Variants in PCDHA10 observed in about 807,000 individuals in gnomAD.
PCDHA10 encodes protocadherin alpha 10.
PCDHA10 carries 45 observed loss-of-function variants against 61.2 expected under a neutral mutation model. The observed-to-expected ratio is 0.74, with a 90% CI of 0.58 to 0.94. The LOEUF (loss-of-function observed/expected upper bound fraction) is 0.94. PCDHA10 is among the 40% of genes least tolerant of loss of function. The pLI is 0.00. For synonymous variants in PCDHA10, 602 were observed against 548.8 expected (o/e 1.10, Z -1.35); for missense variants, 1,278 against 1,236.2 (o/e 1.03, Z -0.51).
chr5:141,010,074 G>T lies in PCDHA10; in HGVS notation c.*137G>T, dbSNP rs1444826216. The stretch of plus-strand genomic sequence containing the variant: ...CTCAGAAATCTGCAGAAAGTTCCCT[G>T]TGTCTGTCTAGAACGCATTTAACAG... On this transcript the variant is annotated 3_prime_UTR_variant, in exon 4 of 4. Coordinates refer to ENST00000307360, the MANE Select transcript of PCDHA10 (RefSeq NM_018901.4). 6.8e-6 allele frequency: 11 copies of T among 1,607,726 alleles called. No individual in the cohort carries two copies. Among genetic ancestry groups the T allele is most frequent in the Non-Finnish European group, 9.3e-6 (11 of 1,176,762 alleles).
intron 2 of PCDHA10, chr5:140,982,229 A>C (rs2096972091): frequency 3.2e-6 from 2 of 616,470 alleles, no homozygotes. Context: ...TTAATAAAAA[A>C]CAGAATTGCC....
intron 3 of PCDHA10, among the ~76,000 whole-genome samples, chr5:140,984,162 C>A (rs2097089666): frequency 6.6e-6 from 1 of 152,150 alleles, no homozygotes; most frequent in Non-Finnish European, 1.5e-5. Context: ...GAGAACTTCC[C>A]AAAGAAGCCA....
intron 1 of PCDHA10, chr5:140,867,891 G>C (rs1468636250): frequency 1.3e-5 from 2 of 152,016 alleles, no homozygotes; most frequent in African/African-American, 4.8e-5. Flanking sequence ...CACAATATCA[G>C]GTACTTACAG....
intron 1 of PCDHA10, chr5:140,859,639 T>G (rs1419564799): frequency 6.3e-6 from 1 of 159,542 alleles, no homozygotes; most frequent in Non-Finnish European, 1.4e-5. Flanking sequence ...GAGATTGAAT[T>G]TGTTACTCAG....
chr5:141,005,701 CAAAAAAAAAAAAAAAA>C (rs59860837), intron 3 of PCDHA10, among the ~76,000 whole-genome samples: 5 of 7,786 alleles, frequency 6.4e-4, no homozygotes, highest in African/African-American at 1.9e-3. Context: ...AACTCCGTCT[CAAAAAAAAAAAAAAAA>C]AAAAAAAAAA....
chr5:140,943,571 G>A (rs1164273913), intron 1 of PCDHA10, among the ~76,000 whole-genome samples: 4 of 152,152 alleles, frequency 2.6e-5, no homozygotes, highest in Admixed American at 2.6e-4. Context: ...ATTTTAATTT[G>A]TTGATCTGAG....
At chr5:140,861,430 A>C in intron 1 of PCDHA10, 1 of 488,226 alleles carries the variant, frequency 2.0e-6, no homozygotes, top group Admixed American at 2.1e-5. Context: ...TTTCAGTTGG[A>C]TTCCAAAAGC....
chr5:140,869,972 A>T (rs782424515), intron 1 of PCDHA10: 14 of 1,613,080 alleles, frequency 8.7e-6, no homozygotes. Context: ...AATGGAAGAC[A>T]CTTATTTACA....
chr5:140,858,914 A>C, intron 1 of PCDHA10: 1 of 181,616 alleles, frequency 5.5e-6, no homozygotes, highest in Non-Finnish European at 1.1e-5. Flanking sequence ...CACAGCTTAT[A>C]CTGCCATAGT....
intron 1 of PCDHA10, among the ~76,000 whole-genome samples, chr5:140,939,605 G>GAACAAGGA (rs1468383916): frequency 1.3e-5 from 2 of 152,082 alleles, no homozygotes; most frequent in African/African-American, 4.8e-5. Flanking sequence ...CTCAAAAACA[G>GAACAAGGA]AACAAGGAGA....
At chr5:140,890,066 C>G (rs1217511895) in intron 1 of PCDHA10, among the ~76,000 whole-genome samples, 1 of 152,148 alleles carries the variant, frequency 6.6e-6, no homozygotes, top group Non-Finnish European at 1.5e-5. Context: ...CTTTTACTGG[C>G]TTATGAGAAC....
chr5:140,877,076 T>C, intron 1 of PCDHA10: 1 of 1,613,022 alleles, frequency 6.2e-7, no homozygotes, highest in Non-Finnish European at 8.5e-7. Flanking sequence ...CAGTTCCAGG[T>C]GAGCGCGCGC....
chr5:140,981,744 G>C (rs1586900543), intron 2 of PCDHA10, among the ~76,000 whole-genome samples: 1 of 151,900 alleles, frequency 6.6e-6, no homozygotes, highest in Admixed American at 6.6e-5. Context: ...ATTAATATGA[G>C]TTAGTATTAG....
intron 1 of PCDHA10, among the ~76,000 whole-genome samples, chr5:140,909,596 T>C (rs2074597089): frequency 6.6e-6 from 1 of 152,222 alleles, no homozygotes; most frequent in South Asian, 2.1e-4. Context: ...TGATTTACTA[T>C]TTTTCTAGGT....
chr5:140,904,912 T>C (rs2071465626), intron 1 of PCDHA10, among the ~76,000 whole-genome samples: 1 of 152,236 alleles, frequency 6.6e-6, no homozygotes, highest in Non-Finnish European at 1.5e-5. Flanking sequence ...TACTGATTTG[T>C]TTGACTTCCT....
chr5:140,960,875 A>G (rs2095577090), intron 1 of PCDHA10, among the ~76,000 whole-genome samples: 1 of 152,220 alleles, frequency 6.6e-6, no homozygotes, highest in African/African-American at 2.4e-5. Context: ...TAGCTGAAAT[A>G]CACACTAATG....
intron 3 of PCDHA10, among the ~76,000 whole-genome samples, chr5:141,003,593 G>A (rs1291518572): frequency 6.6e-6 from 1 of 152,140 alleles, no homozygotes; most frequent in African/African-American, 2.4e-5. Flanking sequence ...GATTTTAGAT[G>A]TGAGCCACCA....
At chr5:141,009,179 G>C (rs1343163889) in intron 3 of PCDHA10, among the ~76,000 whole-genome samples, 2 of 152,212 alleles carry the variant, frequency 1.3e-5, no homozygotes, top group Non-Finnish European at 2.9e-5. Flanking sequence ...CCTTGGCTGG[G>C]TGTGGTAGCT....
intron 3 of PCDHA10, among the ~76,000 whole-genome samples, chr5:141,000,961 C>A (rs1207814885): frequency 6.6e-6 from 1 of 151,948 alleles, no homozygotes; most frequent in Non-Finnish European, 1.5e-5. Flanking sequence ...GTAATTTAAG[C>A]CTTCATATTC....
Sources: gnomAD v4.1 joint callset for allele counts (sites outside exome capture counted in the v4.1 genomes callset) on GRCh38, gnomAD v4.1.1 for gene constraint, MANE v1.5 for transcripts, NCBI Gene and HGNC (gene_info 2026-07-23, HGNC 2026-07-21) for gene names.